The following PCDHGB2 variants were observed in gnomAD, a reference collection of about 807,000 sequenced individuals.
PCDHGB2 encodes protocadherin gamma-B2.
PCDHGB2 carries 55 observed loss-of-function variants against 59.3 expected under a neutral mutation model. The observed-to-expected ratio is 0.93, with a 90% CI of 0.75 to 1.16. The LOEUF (loss-of-function observed/expected upper bound fraction) is 1.16, where lower values mean the gene tolerates loss of function less well. PCDHGB2 is among the 50% of genes most tolerant of loss of function. The probability of loss-of-function intolerance (pLI) is 0.00; values close to 1 mark genes in which losing one functional copy is unlikely to be tolerated. For synonymous variants in PCDHGB2, 516 were observed against 512.0 expected (o/e 1.01, Z -0.11); for missense variants, 1,228 against 1,198.5 (o/e 1.02, Z -0.36).
chr5:141,458,408 C>T (rs895785923), intron 1 of PCDHGB2, among the ~76,000 whole-genome samples: 3 of 151,932 alleles, frequency 2.0e-5, no homozygotes, highest in Non-Finnish European at 2.9e-5. Context: ...AGAGACGGAG[C>T]GGGGGTTCCA....
chr5:141,444,470 C>T (rs1275997551), intron 1 of PCDHGB2, among the ~76,000 whole-genome samples: 2 of 152,058 alleles, frequency 1.3e-5, no homozygotes, highest in African/African-American at 2.4e-5. Flanking sequence ...TGCGCCCGGT[C>T]GCGTACTGGA....
chr5:141,418,597 G>T, intron 1 of PCDHGB2: 7 of 1,614,052 alleles, frequency 4.3e-6, no homozygotes, highest in South Asian at 1.1e-5. Flanking sequence ...GCCAGGACGT[G>T]TACAGGGTTA....
intron 2 of PCDHGB2, among the ~76,000 whole-genome samples, chr5:141,502,866 C>CTTTTTTCTT (rs2099816532): frequency 7.8e-6 from 1 of 128,046 alleles, no homozygotes; most frequent in African/African-American, 3.1e-5. Context: ...GACTCTCTGT[C>CTTTTTTCTT]TTTTTTTTTT....
chr5:141,434,727 A>C (rs1344107083), intron 1 of PCDHGB2, among the ~76,000 whole-genome samples: 1 of 152,052 alleles, frequency 6.6e-6, no homozygotes. Context: ...CAGGGCTCTC[A>C]GCTCTGAAGG....
At chr5:141,374,686 C>A (rs765389244) in intron 1 of PCDHGB2, 1 of 1,609,760 alleles carries the variant, frequency 6.2e-7, no homozygotes, top group South Asian at 1.1e-5. Flanking sequence ...GCACACTGGA[C>A]CGGGAAGGAG....
intron 1 of PCDHGB2, chr5:141,370,604 A>G (rs1263925299): frequency 6.2e-7 from 1 of 1,613,888 alleles, no homozygotes; most frequent in Non-Finnish European, 8.5e-7. Flanking sequence ...GGGTTATTGC[A>G]GAGAAGAAAT....
In PCDHGB2 at chr5:141,489,071, CA is replaced by C; in HGVS notation, c.2422-5735del. 3.1e-6 allele frequency: 1 copy of C among 326,700 alleles called. No homozygotes were observed. Among genetic ancestry groups the C allele is most frequent in the East Asian group, 5.9e-5 (1 of 17,012 alleles). 20.2% of individuals were successfully genotyped at this position (326,700 alleles called of 1,614,324 possible). A position where few individuals can be genotyped will look rare whatever the true frequency, so the allele number is the denominator to read the frequency against. On this transcript the variant is annotated intron_variant, in intron 1 of 3. Transcript: ENST00000522605. This position sits in a 1 kb window ranked among gnomAD's most constrained non-coding sequence, Gnocchi z 4.5. Reference sequence around the variant, plus strand: ...AAATTCAGCTCCCCTCCCCCCTGCCCACCCCCGCCACTCGGTGACTAAGAAC... The same window carrying C: ...AAATTCAGCTCCCCTCCCCCCTGCCCCCCCCGCCACTCGGTGACTAAGAAC...
intron 1 of PCDHGB2, chr5:141,423,750 TGG>T (rs144521096): frequency 3.2e-4 from 92 of 287,850 alleles, no homozygotes; most frequent in South Asian, 5.2e-4. Context: ...GAAAACTGTT[TGG>T]GGGGGGGGTG....
chr5:141,490,405 ATC>A lies in PCDHGB2; in HGVS notation c.2422-4397_2422-4396del, dbSNP rs765446736. 1 of 1,614,142 alleles carries A rather than the reference ATC, an allele frequency of 6.2e-7. No individual in the cohort carries two copies. The highest frequency in any genetic ancestry group is 8.5e-7 in the Non-Finnish European group (1 of 1,180,028). ...TAGAAATGGTGAAGTGAGCCTTGATATCTCTCCGGACCTGCCATTTCAGATTA... is the reference window on the plus strand; with the variant it reads ...TAGAAATGGTGAAGTGAGCCTTGATATCTCCGGACCTGCCATTTCAGATTA... On this transcript the variant is annotated intron_variant, in intron 1 of 3. Transcript: ENST00000522605. The surrounding 1 kb of genome is among the most constrained non-coding windows in gnomAD (Gnocchi z 5.4).
chr5:141,376,688 T>G (rs959333255), intron 1 of PCDHGB2: 5 of 824,852 alleles, frequency 6.1e-6, no homozygotes, highest in Non-Finnish European at 9.0e-6. Context: ...TTTTTTTTTT[T>G]TTTTTTTTTG....
In PCDHGB2 at chr5:141,432,508, G is replaced by A. The variant is rs1306067848; in HGVS notation, c.2422-62299G>A. ...TGGAGCTGGCTCCCCGCTCCGCAGA[G>A]CCCGGCTACCTGGTGACCAAGGTGG... On this transcript the variant is annotated intron_variant, in intron 1 of 3. Coordinates refer to ENST00000522605, the MANE Select transcript of PCDHGB2 (RefSeq NM_018923.3). This position sits in a 1 kb window ranked among gnomAD's most constrained non-coding sequence, Gnocchi z 6.0. The A allele has an allele frequency of 1.9e-6, 3 of 1,614,136 alleles. No individual in the cohort carries two copies. Among genetic ancestry groups the A allele is most frequent in the Non-Finnish European group, 2.5e-6 (3 of 1,180,034 alleles).
At chr5:141,443,317 C>A (rs898636207) in intron 1 of PCDHGB2, among the ~76,000 whole-genome samples, 39 of 142,046 alleles carry the variant, frequency 2.7e-4, no homozygotes, top group Non-Finnish European at 2.5e-4. Context: ...CCCATCTCTA[C>A]AAAAAAAAAA....
chr5:141,404,289 A>G (rs552765425), intron 1 of PCDHGB2: 15 of 1,614,006 alleles, frequency 9.3e-6, no homozygotes, highest in East Asian at 4.5e-5. Flanking sequence ...ACTGACATCA[A>G]TGATAATCCA....
chr5:141,364,661 G>A (rs369366226), intron 1 of PCDHGB2: 127 of 1,614,028 alleles, frequency 7.9e-5, no homozygotes, highest in Non-Finnish European at 1.0e-4. Flanking sequence ...CATCTTGGTT[G>A]AGAACAAAAT....
chr5:141,403,044 T>C lies in PCDHGB2; in HGVS notation c.2421+40488T>C, dbSNP rs914251787. 7 of 1,613,960 alleles carry C rather than the reference T, an allele frequency of 4.3e-6. No individual in the cohort carries two copies. The Admixed American group carries it at 8.3e-5, about 19-fold the overall frequency. ...CTATGGGAGGCCAGGGCCAGTCAGA[T>C]TCGCTACTCAGTGCCTGAAGAGACA... is the stretch of plus-strand genomic sequence containing the variant. On this transcript the variant is annotated intron_variant, in intron 1 of 3. Transcript: ENST00000522605.
intron 1 of PCDHGB2, chr5:141,392,777 A>G (rs1226924811): frequency 1.3e-6 from 2 of 1,529,440 alleles, no homozygotes; most frequent in Non-Finnish European, 1.8e-6. Flanking sequence ...ATTTATGCAC[A>G]GTGAAGATTC....
At chr5:141,434,193 T>G (rs2097677103) in intron 1 of PCDHGB2, among the ~76,000 whole-genome samples, 1 of 152,246 alleles carries the variant, frequency 6.6e-6, no homozygotes, top group South Asian at 2.1e-4. Flanking sequence ...GTAATTCCAA[T>G]GTACTTACTT....
chr5:141,360,435 T>C lies in PCDHGB2; in HGVS notation c.300T>C (p.Pro100=). The C allele has an allele frequency of 6.2e-7, 1 of 1,613,990 alleles. No individual in the cohort carries two copies. The highest frequency in any genetic ancestry group is 8.5e-7 in the Non-Finnish European group (1 of 1,179,884). The change falls in exon 1 of 4, where the codon CCT becomes CCC. Residue 100 remains proline (P), a synonymous_variant. Transcript: ENST00000522605. ...IDREQICGKQ[P]LCVLDFDTVA... ...GAGAACAGATATGCGGGAAGCAGCC[T>C]CTGTGTGTTCTGGATTTCGATACTG... is the stretch of plus-strand genomic sequence containing the variant.
intron 1 of PCDHGB2, among the ~76,000 whole-genome samples, chr5:141,447,688 G>A (rs188511217): frequency 1.4e-4 from 22 of 152,258 alleles, no homozygotes; most frequent in African/African-American, 4.3e-4. Context: ...TATCTTGATA[G>A]AGGGATGGGT....
Sources: allele counts gnomAD v4.1 joint callset (sites outside exome capture counted in the v4.1 genomes callset), GRCh38; gene constraint gnomAD v4.1.1; non-coding constraint Gnocchi (gnomAD v3.1); transcripts MANE v1.5; gene names NCBI Gene and HGNC (gene_info 2026-07-23, HGNC 2026-07-21).